Variants in HIVEP3 observed in about 807,000 individuals in gnomAD.
The protein encoded by HIVEP3 is HIVEP zinc finger 3.
A neutral mutation model predicts 152.8 loss-of-function variants in HIVEP3; 49 were observed. The ratio of observed to expected loss-of-function variants is 0.32; its 90% CI spans 0.26 to 0.41. The LOEUF (loss-of-function observed/expected upper bound fraction) is 0.41, where lower values mean the gene tolerates loss of function less well. Among genes scored for constraint, HIVEP3 ranks in the 10% least tolerant of loss-of-function variants. The pLI is 1.00. For missense variants in HIVEP3, 2,790 were observed against 3,103.3 expected (o/e 0.90, Z 2.40); for synonymous variants, 1,269 against 1,289.0 (o/e 0.98, Z 0.33).
chr1:41,876,231 T>C (rs1014236379), intron 1 of HIVEP3, among the ~76,000 whole-genome samples: 6 of 152,258 alleles, frequency 3.9e-5, no homozygotes, highest in Admixed American at 6.5e-5. Flanking sequence ...TTTGAGTCTA[T>C]GATATCCCAG....
intron 1 of HIVEP3, among the ~76,000 whole-genome samples, chr1:41,753,930 G>A (rs2099757): frequency 0.84 from 128,041 of 151,950 alleles, 57,411 homozygotes; most frequent in Non-Finnish European, 1. Context: ...GTGGGTCAGC[G>A]GGTGGTGGGG....
intron 1 of HIVEP3, among the ~76,000 whole-genome samples, chr1:41,805,922 C>A (rs1650579005): frequency 6.6e-6 from 1 of 152,144 alleles, no homozygotes; most frequent in African/African-American, 2.4e-5. Flanking sequence ...CACATCTCCT[C>A]TGTAAAGCTC....
At chr1:41,924,918 A>C (rs984812168) in intron 1 of HIVEP3, among the ~76,000 whole-genome samples, 1 of 152,150 alleles carries the variant, frequency 6.6e-6, no homozygotes, top group Non-Finnish European at 1.5e-5. Flanking sequence ...AAAAGTAACC[A>C]ATGCCTCCAA....
At chr1:41,868,495 C>T (rs1162120841) in intron 1 of HIVEP3, among the ~76,000 whole-genome samples, 1 of 152,186 alleles carries the variant, frequency 6.6e-6, no homozygotes, top group Non-Finnish European at 1.5e-5. Flanking sequence ...ACACTGAAAA[C>T]AGATACACCC....
intron 1 of HIVEP3, among the ~76,000 whole-genome samples, chr1:41,826,332 T>A (rs1174686810): frequency 6.6e-6 from 1 of 152,206 alleles, no homozygotes; most frequent in Non-Finnish European, 1.5e-5. Context: ...CTAAACAGCA[T>A]GCTTGATTTT....
chr1:42,029,060 T>G (rs551560793), intron 1 of HIVEP3, among the ~76,000 whole-genome samples: 3 of 152,214 alleles, frequency 2.0e-5, no homozygotes, highest in Non-Finnish European at 2.9e-5. Flanking sequence ...CTATGCAGAC[T>G]GAAGAATATA....
At chr1:41,988,642 G>A (rs938522905) in intron 1 of HIVEP3, among the ~76,000 whole-genome samples, 15 of 152,190 alleles carry the variant, frequency 9.9e-5, no homozygotes, top group African/African-American at 3.1e-4. Context: ...CAGCCATTAT[G>A]AAAACCAGTA....
Position 41,582,188 on chromosome 1 carries a change from C to A in HIVEP3, c.2610G>T (p.Glu870Asp). ...CAGGTTCCTTAGGGGGCGGCTCTGG[C>A]TCTGTGTCCGGCCGGTCAGGCTCCT... is the stretch of plus-strand genomic sequence containing the variant. ...VTEEPDRPDT[E>D]PEPPPKEPEK... The change falls in exon 4 of 9, where the codon GAG becomes GAT. Residue 870 changes from glutamate (E) to aspartate (D), a missense_variant. Glu to Asp is a conservative substitution (Grantham distance 45). Around this residue, in one of 9 missense-constraint regions of HIVEP3, gnomAD observed 1,078 missense variants for 1,165.3 expected, o/e 0.93. Coordinates refer to ENST00000372583, the MANE Select transcript of HIVEP3 (RefSeq NM_024503.5). This position sits in a 1 kb window ranked among gnomAD's most constrained non-coding sequence, Gnocchi z 4.7. 1 of 1,614,034 alleles carries A rather than the reference C, an allele frequency of 6.2e-7. No individual in the cohort carries two copies. Among genetic ancestry groups the A allele is most frequent in the African/African-American group, 1.3e-5 (1 of 75,016 alleles).
chr1:41,693,601 T>C (rs1205138174), intron 2 of HIVEP3, among the ~76,000 whole-genome samples: 1 of 152,250 alleles, frequency 6.6e-6, no homozygotes, highest in Non-Finnish European at 1.5e-5. Flanking sequence ...CTTTTCTTAG[T>C]TTGTTATCAT....
intron 1 of HIVEP3, among the ~76,000 whole-genome samples, chr1:42,035,634 G>C (rs1393508742): frequency 6.6e-6 from 1 of 151,988 alleles, no homozygotes; most frequent in Non-Finnish European, 1.5e-5. Context: ...AGCTGAGGGG[G>C]CCGGCGCCCG....
In HIVEP3 at chr1:41,560,280, G is replaced by A. The variant is rs192571217; in HGVS notation, c.5207+15264C>T. 3.1e-3 allele frequency among the ~76,000 whole-genome samples: 477 copies of A among 152,306 alleles called. 2 individuals are homozygous for A. Among genetic ancestry groups the A allele is most frequent in the Non-Finnish European group, 5.9e-3 (399 of 68,028 alleles). On this transcript the variant is annotated intron_variant, in intron 5 of 8. Coordinates refer to ENST00000372583, the MANE Select transcript of HIVEP3 (RefSeq NM_024503.5). ...GAGCCAGAGAGGTTAAACAACTTTT[G>A]TGTGAGGCGCAGGGCCAGGATTTGA...
At chr1:41,948,861 G>A (rs1645089556) in intron 1 of HIVEP3, among the ~76,000 whole-genome samples, 1 of 152,050 alleles carries the variant, frequency 6.6e-6, no homozygotes, top group South Asian at 2.1e-4. Context: ...GTCAGGGCCT[G>A]TAAAGTGTGC....
intron 2 of HIVEP3, among the ~76,000 whole-genome samples, chr1:41,638,610 A>T (rs1216735381): frequency 1.5e-5 from 2 of 135,316 alleles, no homozygotes; most frequent in Non-Finnish European, 3.2e-5. Context: ...TTTAGAAAAC[A>T]GTTGAACAGG....
intron 5 of HIVEP3, among the ~76,000 whole-genome samples, chr1:41,544,478 A>G (rs115178003): frequency 0.013 from 1,917 of 151,918 alleles, 39 homozygotes; most frequent in African/African-American, 0.041. Flanking sequence ...GTTGCTAGTG[A>G]GAGAACTATT....
At chr1:41,801,873 T>C (rs1045205582) in intron 1 of HIVEP3, among the ~76,000 whole-genome samples, 3 of 152,214 alleles carry the variant, frequency 2.0e-5, no homozygotes, top group African/African-American at 7.2e-5. Flanking sequence ...AGGGCCTTCG[T>C]TGCTTTGACC....
At chr1:41,527,341 CTTCACA>C (rs1643013253) in intron 5 of HIVEP3, among the ~76,000 whole-genome samples, 1 of 50,830 alleles carries the variant, frequency 2.0e-5, no homozygotes, top group Non-Finnish European at 4.8e-5. Context: ...CACATCCCAC[CTTCACA>C]CTCACCTTCA....
At chr1:41,606,424 A>G (rs1299275828) in intron 3 of HIVEP3, among the ~76,000 whole-genome samples, 5 of 151,896 alleles carry the variant, frequency 3.3e-5, no homozygotes, top group Non-Finnish European at 7.4e-5. Flanking sequence ...CGACAGTATA[A>G]TTAAGTCTAC....
chr1:41,822,842 C>T (rs562240113), intron 1 of HIVEP3, among the ~76,000 whole-genome samples: 1 of 152,336 alleles, frequency 6.6e-6, no homozygotes, highest in African/African-American at 2.4e-5. Flanking sequence ...CAGAATGCGG[C>T]AGGGACCCAT....
chr1:41,765,661 GCC>G (rs1326245417), intron 1 of HIVEP3, among the ~76,000 whole-genome samples: 5 of 152,308 alleles, frequency 3.3e-5, no homozygotes, highest in Non-Finnish European at 1.5e-5. Context: ...TAAGCTGTAA[GCC>G]TTAGACCTTC....
Sources: gnomAD v4.1 joint callset for allele counts (sites outside exome capture counted in the v4.1 genomes callset) on GRCh38, gnomAD v4.1.1 for gene constraint, gnomAD v4.1.1 regional missense constraint, Gnocchi (gnomAD v3.1) non-coding constraint, MANE v1.5 for transcripts, NCBI Gene and HGNC (gene_info 2026-07-23, HGNC 2026-07-21) for gene names.